The following BMP5 variants were observed in gnomAD, a reference collection of about 807,000 sequenced individuals.
BMP5 encodes bone morphogenetic protein 5.
A neutral mutation model predicts 46.6 loss-of-function variants in BMP5; 23 were observed. The ratio of observed to expected loss-of-function variants is 0.49; its 90% CI spans 0.35 to 0.70. The LOEUF is 0.70. Ranked by LOEUF, BMP5 falls within the 30% of genes least tolerant of loss-of-function variation. The pLI is 0.00. For synonymous variants in BMP5, 204 were observed against 191.9 expected (o/e 1.06, Z -0.52); for missense variants, 545 against 565.6 (o/e 0.96, Z 0.37).
intron 1 of BMP5, among the ~76,000 whole-genome samples, chr6:55,851,705 T>A (rs1777247655): frequency 6.6e-6 from 1 of 152,166 alleles, no homozygotes; most frequent in African/African-American, 2.4e-5. Context: ...CTTAAGAGGA[T>A]TAAGTATTAC....
Position 55,754,308 on chromosome 6 carries a change from A to C in BMP5, c.*1225T>G, listed in dbSNP as rs1774524756. 1.2e-5 allele frequency: 1 copy of C among 81,168 alleles called. No homozygotes were observed. Among genetic ancestry groups the C allele is most frequent in the Non-Finnish European group, 2.3e-5 (1 of 43,310 alleles). The allele number at this position is 81,168 out of a possible 1,614,324, so 5.0% of individuals were successfully genotyped here. ...ATAAATTAATTTTAGAGGGAAGAAC[A>C]CACATGCACACACAGACACACACAC... On this transcript the variant is annotated 3_prime_UTR_variant, in exon 7 of 7. Coordinates refer to ENST00000370830, the MANE Select transcript of BMP5 (RefSeq NM_021073.4).
intron 2 of BMP5, among the ~76,000 whole-genome samples, chr6:55,803,066 A>T (rs1186922123): frequency 6.7e-6 from 1 of 149,332 alleles, no homozygotes; most frequent in African/African-American, 2.5e-5. Context: ...TGAGCAGATT[A>T]CCCGAGGTCA....
intron 2 of BMP5, among the ~76,000 whole-genome samples, chr6:55,806,084 T>G (rs148223085): frequency 4.6e-5 from 7 of 152,306 alleles, no homozygotes; most frequent in African/African-American, 1.7e-4. Context: ...TAGATCTCAT[T>G]TATTACTTTT....
At chr6:55,827,149 T>TTGTC (rs1776552647) in intron 1 of BMP5, among the ~76,000 whole-genome samples, 1 of 151,724 alleles carries the variant, frequency 6.6e-6, no homozygotes. Context: ...GTTGGGTGTA[T>TTGTC]TGACTTGTTT....
chr6:55,762,416 A>C (rs554299654), intron 4 of BMP5, among the ~76,000 whole-genome samples: 150 of 152,284 alleles, frequency 9.9e-4, no homozygotes, highest in Non-Finnish European at 1.9e-3. Context: ...GTTAATCTAA[A>C]AAACAAGCTA....
At chr6:55,801,965 AC>A (rs2127531776) in intron 2 of BMP5, among the ~76,000 whole-genome samples, 1 of 152,354 alleles carries the variant, frequency 6.6e-6, no homozygotes, top group Admixed American at 6.5e-5. Flanking sequence ...CAAGTTGGGT[AC>A]CAATATTTTA....
intron 1 of BMP5, among the ~76,000 whole-genome samples, chr6:55,845,077 A>G (rs1777063348): frequency 6.6e-6 from 1 of 152,062 alleles, no homozygotes; most frequent in Non-Finnish European, 1.5e-5. Context: ...AGTTATTTGA[A>G]ACATACTAAA....
At chr6:55,865,736 T>C (rs187164270) in intron 1 of BMP5, among the ~76,000 whole-genome samples, 3 of 152,336 alleles carry the variant, frequency 2.0e-5, no homozygotes, top group Admixed American at 6.5e-5. Flanking sequence ...GAAATAGTTG[T>C]AATAGCAGTT....
At chr6:55,766,622 A>G (rs991589445) in intron 4 of BMP5, among the ~76,000 whole-genome samples, 8 of 151,962 alleles carry the variant, frequency 5.3e-5, no homozygotes, top group Admixed American at 6.6e-5. Context: ...TCCATTCTGC[A>G]CTCCATGGCC....
At chr6:55,792,972 G>T (rs575074904) in intron 3 of BMP5, among the ~76,000 whole-genome samples, 1 of 152,122 alleles carries the variant, frequency 6.6e-6, no homozygotes, top group East Asian at 1.9e-4. Context: ...AACATTTTTA[G>T]GGTAGAGAAT....
chr6:55,801,152 C>T (rs750189897), intron 2 of BMP5, among the ~76,000 whole-genome samples: 1 of 152,144 alleles, frequency 6.6e-6, no homozygotes, highest in Non-Finnish European at 1.5e-5. Context: ...TACTGTGTAT[C>T]GTTTGGGATT....
chr6:55,804,826 T>A (rs995937841), intron 2 of BMP5, among the ~76,000 whole-genome samples: 16 of 152,142 alleles, frequency 1.1e-4, no homozygotes, highest in African/African-American at 3.9e-4. Flanking sequence ...CAAACAGTCA[T>A]GTAAAGGGAT....
Position 55,874,516 on chromosome 6 carries a change from G to T in BMP5, c.350C>A (p.Pro117Gln). The change falls in exon 1 of 7, where the codon CCA becomes CAA. Residue 117 changes from proline (P) to glutamine (Q), a missense_variant. Transcript: ENST00000370830. ...ACGAGGATACCCATTGGGAGAGGCT[G>T]GGTATCCCTTTCTTGCCCCTCTGGT... ...EETRGARKGY[P>Q]ASPNGYPRRI... The T allele has an allele frequency of 6.2e-7, 1 of 1,613,450 alleles. No homozygotes were observed. Among genetic ancestry groups the T allele is most frequent in the South Asian group, 1.1e-5 (1 of 91,076 alleles).
chr6:55,787,951 A>G (rs1309821358), intron 3 of BMP5, among the ~76,000 whole-genome samples: 2 of 151,430 alleles, frequency 1.3e-5, no homozygotes, highest in East Asian at 3.9e-4. Flanking sequence ...ATGGTTTGGT[A>G]TAAACATCAG....
At chr6:55,824,771 A>G (rs1216722496) in intron 1 of BMP5, among the ~76,000 whole-genome samples, 5 of 151,952 alleles carry the variant, frequency 3.3e-5, no homozygotes, top group Admixed American at 3.3e-4. Flanking sequence ...AGGAGACCAC[A>G]GCAGCCTGTT....
intron 1 of BMP5, among the ~76,000 whole-genome samples, chr6:55,862,369 G>C (rs1777543288): frequency 6.6e-6 from 1 of 151,994 alleles, no homozygotes; most frequent in Admixed American, 6.6e-5. Flanking sequence ...GTATGAAAGT[G>C]GTCCTTATAC....
rs1333741237 is a variant in BMP5, at chr6:55,753,844, G to A, written c.*1689C>T. 6.6e-6 allele frequency: 1 copy of A among 151,800 alleles called. No homozygotes were observed. The highest frequency in any genetic ancestry group is 2.4e-5 in the African/African-American group (1 of 41,380). 9.4% of individuals were successfully genotyped at this position (151,800 alleles called of 1,614,324 possible). The stretch of plus-strand genomic sequence containing the variant: ...ATAAAGAACCAAATCAAGAACAGCA[G>A]AAATTAGCATCTGTTTAATATATTT... On this transcript the variant is annotated 3_prime_UTR_variant, in exon 7 of 7. Coordinates refer to ENST00000370830, the MANE Select transcript of BMP5 (RefSeq NM_021073.4).
intron 3 of BMP5, among the ~76,000 whole-genome samples, chr6:55,776,075 T>C (rs1211389490): frequency 6.6e-6 from 1 of 152,000 alleles, no homozygotes; most frequent in Non-Finnish European, 1.5e-5. Context: ...AGAAGGGACT[T>C]ACAAATAATC....
chr6:55,801,170 G>C (rs1024810278), intron 2 of BMP5, among the ~76,000 whole-genome samples: 5 of 152,160 alleles, frequency 3.3e-5, no homozygotes, highest in Non-Finnish European at 7.4e-5. Context: ...ATTAGGGTTG[G>C]CTGCAAAGGA....
Sources: allele counts gnomAD v4.1 joint callset (sites outside exome capture counted in the v4.1 genomes callset), GRCh38; gene constraint gnomAD v4.1.1; transcripts MANE v1.5; gene names NCBI Gene and HGNC (gene_info 2026-07-23, HGNC 2026-07-21).